Variants in AMBRA1 observed in about 807,000 individuals in gnomAD.
AMBRA1 encodes the protein autophagy and beclin 1 regulator 1, also known as activating molecule in BECN1-regulated autophagy protein 1.
Under a neutral mutation model 125.4 loss-of-function variants are expected in AMBRA1, and 47 were observed. The observed-to-expected ratio is 0.37, with a 90% confidence interval of 0.30 to 0.48. The LOEUF is 0.48. Among genes scored for constraint, AMBRA1 ranks in the 20% least tolerant of loss-of-function variants. The pLI is 0.99. For missense variants in AMBRA1, 1,331 were observed against 1,693.4 expected, an observed-to-expected ratio of 0.79 and a Z score of 3.76; for synonymous variants, 626 against 655.5, an observed-to-expected ratio of 0.95 and a Z score of 0.69.
At chr11:46,399,400 CTT>C (rs528929103) in intron 17 of AMBRA1, among the ~76,000 whole-genome samples, 1 of 149,844 alleles carries the variant, frequency 6.7e-6, no homozygotes, top group Non-Finnish European at 1.5e-5. Flanking sequence ...GAGTTTTGCT[CTT>C]GTCACTCAGG....
chr11:46,397,345 C>T lies in AMBRA1; in HGVS notation c.*105G>A, dbSNP rs1328372135. 7 of 1,381,882 alleles carry T rather than the reference C, an allele frequency of 5.1e-6. No homozygotes were observed. In the South Asian group the frequency reaches 6.1e-5, roughly 12 times the overall value. The allele number at this position is 1,381,882 out of a possible 1,614,324, so 85.6% of individuals were successfully genotyped here. Reference sequence around the variant, plus strand: ...CCCTGACCCTCTTCCTCCTCCTGTTCCCTGATGCAGCCAGCAGCTCTTCCA... The same window carrying T: ...CCCTGACCCTCTTCCTCCTCCTGTTTCCTGATGCAGCCAGCAGCTCTTCCA... On this transcript the variant is annotated 3_prime_UTR_variant, in exon 18 of 18. Coordinates refer to ENST00000683756, the MANE Select transcript of AMBRA1 (RefSeq NM_001387011.1).
chr11:46,575,918 C>T (rs117653287), intron 1 of AMBRA1, among the ~76,000 whole-genome samples: 75 of 152,274 alleles, frequency 4.9e-4, no homozygotes, highest in Non-Finnish European at 9.0e-4. Context: ...AATTAAGAAT[C>T]CATTGCCGTG....
At chr11:46,447,443 G>A (rs567885641) in intron 11 of AMBRA1, among the ~76,000 whole-genome samples, 68 of 152,252 alleles carry the variant, frequency 4.5e-4, no homozygotes, top group African/African-American at 1.6e-3. Flanking sequence ...GCTGAGGCAT[G>A]AGAATTGCTT....
At chr11:46,454,675 C>T (rs1056802821) in intron 11 of AMBRA1, among the ~76,000 whole-genome samples, 8 of 151,566 alleles carry the variant, frequency 5.3e-5, no homozygotes, top group Admixed American at 2.6e-4. Context: ...GGTGTGAGCC[C>T]GGAAGGCGGA....
chr11:46,421,256 G>A (rs1206604755), intron 14 of AMBRA1, among the ~76,000 whole-genome samples: 1 of 152,176 alleles, frequency 6.6e-6, no homozygotes, highest in East Asian at 1.9e-4. Context: ...AGAGTCATGG[G>A]GGCATCAATC....
intron 14 of AMBRA1, among the ~76,000 whole-genome samples, chr11:46,420,149 C>T (rs1246268601): frequency 6.6e-6 from 1 of 152,190 alleles, no homozygotes; most frequent in African/African-American, 2.4e-5. Context: ...AGGTTTGAGG[C>T]ACGGCACTGA....
At chr11:46,515,867 G>C (rs1376596866) in intron 7 of AMBRA1, among the ~76,000 whole-genome samples, 1 of 152,062 alleles carries the variant, frequency 6.6e-6, no homozygotes, top group Non-Finnish European at 1.5e-5. Context: ...GTAGAGATGG[G>C]GTTTCACCAT....
chr11:46,576,409 T>C (rs897425825), intron 1 of AMBRA1, among the ~76,000 whole-genome samples: 2 of 152,204 alleles, frequency 1.3e-5, no homozygotes, highest in African/African-American at 2.4e-5. Context: ...ATTATGGGCA[T>C]GAGTCACTGT....
chr11:46,592,257 G>A (rs2044629162), intron 1 of AMBRA1, among the ~76,000 whole-genome samples: 1 of 151,416 alleles, frequency 6.6e-6, no homozygotes, highest in South Asian at 2.1e-4. Flanking sequence ...TTTTTTCCAA[G>A]AATGAAGTGA....
chr11:46,541,895 A>G (rs772636344), intron 7 of AMBRA1, 50 bp downstream of exon 7: 1 of 1,589,432 alleles, frequency 6.3e-7, no homozygotes, highest in East Asian at 2.2e-5. Context: ...CAAGGAAATG[A>G]TACAAGGAGA....
At chr11:46,436,121 T>C (rs1947703985) in intron 12 of AMBRA1, among the ~76,000 whole-genome samples, 2 of 152,224 alleles carry the variant, frequency 1.3e-5, no homozygotes, top group African/African-American at 2.4e-5. Flanking sequence ...GTCAGAGGCA[T>C]TGTGGTAATT....
At chr11:46,523,170 T>A (rs951824821) in intron 7 of AMBRA1, among the ~76,000 whole-genome samples, 1 of 152,092 alleles carries the variant, frequency 6.6e-6, no homozygotes. Context: ...AAGCTCAGAG[T>A]ACAATCACTT....
At chr11:46,476,743 C>T (rs1186300437) in intron 11 of AMBRA1, among the ~76,000 whole-genome samples, 1 of 152,202 alleles carries the variant, frequency 6.6e-6, no homozygotes, top group African/African-American at 2.4e-5. Context: ...CCAAGAAACA[C>T]TTTGTGGCTT....
intron 11 of AMBRA1, among the ~76,000 whole-genome samples, chr11:46,478,648 C>CTTTTTTTTTTTT (rs11449187): frequency 2.4e-5 from 2 of 82,154 alleles, no homozygotes; most frequent in African/African-American, 5.0e-5. Context: ...TCTTTTTTCT[C>CTTTTTTTTTTTT]TTTTTTTTTT....
intron 1 of AMBRA1, among the ~76,000 whole-genome samples, chr11:46,570,030 A>G (rs1000433141): frequency 1.3e-5 from 2 of 151,326 alleles, no homozygotes; most frequent in Non-Finnish European, 2.9e-5. Flanking sequence ...GGGAGGCCAA[A>G]GCAGGGGATC....
intron 7 of AMBRA1, among the ~76,000 whole-genome samples, chr11:46,516,853 T>A (rs990224804): frequency 6.6e-6 from 1 of 152,044 alleles, no homozygotes; most frequent in Non-Finnish European, 1.5e-5. Context: ...AAACTTGACT[T>A]GACTTAATCT....
chr11:46,443,673 T>G, intron 11 of AMBRA1, 75 bp from the exon 12 acceptor site: 1 of 1,278,238 alleles, frequency 7.8e-7, no homozygotes, highest in Non-Finnish European at 1.1e-6. Context: ...AAAACAATAC[T>G]GGGATTAGTA....
chr11:46,546,559 A>G (rs531932777), intron 4 of AMBRA1, among the ~76,000 whole-genome samples: 1 of 152,166 alleles, frequency 6.6e-6, no homozygotes, highest in Admixed American at 6.5e-5. Flanking sequence ...GGCTGAAGGA[A>G]GCAAAAGTAG....
intron 12 of AMBRA1, among the ~76,000 whole-genome samples, chr11:46,440,056 G>A (rs903001185): frequency 2.6e-5 from 4 of 151,952 alleles, no homozygotes; most frequent in Admixed American, 2.6e-4. Context: ...GTGTGGTATG[G>A]CAATAACTAC....
Sources: gnomAD v4.1 joint callset for allele counts (sites outside exome capture counted in the v4.1 genomes callset) on GRCh38, gnomAD v4.1.1 for gene constraint, MANE v1.5 for transcripts, NCBI Gene and HGNC (gene_info 2026-07-23, HGNC 2026-07-21) for gene names.